Variants in BCAS3 observed in about 807,000 individuals in gnomAD.
BCAS3 encodes BCAS3 microtubule associated cell migration factor, also known as BCAS4/BCAS3 fusion.
BCAS3 carries 53 observed loss-of-function variants against 116.1 expected under a neutral mutation model. The observed-to-expected ratio is 0.46, with a 90% confidence interval of 0.37 to 0.57. The LOEUF is 0.57. Ranked by LOEUF, BCAS3 falls within the 20% of genes least tolerant of loss-of-function variation. The pLI, the probability that BCAS3 is intolerant of heterozygous loss-of-function variation, is 0.00. For missense variants in BCAS3, 917 were observed against 1,165.4 expected, an observed-to-expected ratio of 0.79 and a Z score of 3.10; for synonymous variants, 391 against 408.2, an observed-to-expected ratio of 0.96 and a Z score of 0.51.
chr17:60,806,709 T>A (rs2048318705), intron 6 of BCAS3, among the ~76,000 whole-genome samples: 1 of 152,050 alleles, frequency 6.6e-6, no homozygotes, highest in African/African-American at 2.4e-5. Flanking sequence ...TGTGCCACCA[T>A]ACCCAACTAA....
chr17:61,040,279 G>C (rs1458464777), intron 18 of BCAS3, among the ~76,000 whole-genome samples: 1 of 152,142 alleles, frequency 6.6e-6, no homozygotes, highest in African/African-American at 2.4e-5. Flanking sequence ...TTAGGAGTGG[G>C]CAGATCTAAT....
At chr17:60,859,472 C>A (rs1026897894) in intron 7 of BCAS3, among the ~76,000 whole-genome samples, 1 of 152,000 alleles carries the variant, frequency 6.6e-6, no homozygotes, top group Non-Finnish European at 1.5e-5. Flanking sequence ...TGCATTAATT[C>A]GCTTAGGATA....
chr17:61,245,760 C>T (rs2047888839), intron 22 of BCAS3, among the ~76,000 whole-genome samples: 1 of 152,074 alleles, frequency 6.6e-6, no homozygotes, highest in Admixed American at 6.6e-5. Flanking sequence ...AAGGGAGCAC[C>T]TACATTTAGT....
chr17:61,150,251 C>T (rs73991495), intron 22 of BCAS3, among the ~76,000 whole-genome samples: 12,892 of 152,146 alleles, frequency 0.085, 1,875 homozygotes, highest in African/African-American at 0.29. Context: ...ACTGCAATTA[C>T]TGGAGCTCTC....
At chr17:60,912,956 G>A (rs976207568) in intron 12 of BCAS3, among the ~76,000 whole-genome samples, 6 of 151,926 alleles carry the variant, frequency 3.9e-5, no homozygotes, top group African/African-American at 7.2e-5. Context: ...TGTAATTCAC[G>A]TATTTATTTT....
In BCAS3 at chr17:60,961,365, T is replaced by C. The variant is rs2145307505; in HGVS notation, c.1221+14013T>C. On this transcript the variant is annotated intron_variant, in intron 14 of 23. Transcript: ENST00000407086. The surrounding 1 kb of genome is among the most constrained non-coding windows in gnomAD (Gnocchi z 4.8). ...GCTGGCTAGGCTAGTCTGAAATCAG[T>C]AGGGCTGGCCAGAAGGAATGTCCAG... Among the ~76,000 whole-genome samples, 1 of 152,206 alleles carries C rather than the reference T, an allele frequency of 6.6e-6. No homozygotes were observed. Among genetic ancestry groups the C allele is most frequent in the Non-Finnish European group, 1.5e-5 (1 of 68,004 alleles).
At chr17:60,839,738 A>G (rs997598846) in intron 7 of BCAS3, among the ~76,000 whole-genome samples, 9 of 152,212 alleles carry the variant, frequency 5.9e-5, no homozygotes, top group African/African-American at 2.2e-4. Flanking sequence ...TAGATTCAGT[A>G]ACACATGTTG....
chr17:60,836,503 C>T (rs778980744), intron 7 of BCAS3, among the ~76,000 whole-genome samples: 5 of 151,704 alleles, frequency 3.3e-5, no homozygotes, highest in South Asian at 2.1e-4. Context: ...CTGTTGTTTG[C>T]GTTCCTTCTT....
intron 22 of BCAS3, among the ~76,000 whole-genome samples, chr17:61,246,796 T>A (rs1039658505): frequency 8.3e-4 from 94 of 113,482 alleles, no homozygotes; most frequent in South Asian, 2.1e-3. Context: ...AGTGAGAGTG[T>A]GTGTGTGTGT....
In BCAS3 at chr17:60,956,673, A is replaced by G. The variant is rs930393893; in HGVS notation, c.1221+9321A>G. On this transcript the variant is annotated intron_variant, in intron 14 of 23. Transcript: ENST00000407086. This position sits in a 1 kb window ranked among gnomAD's most constrained non-coding sequence, Gnocchi z 4.2. Reference sequence around the variant, plus strand: ...GTTTGCTAATGCCAGTGATGTTCCTACTTAACAGGTAGGAAAGTCAAATAG... The same window carrying G: ...GTTTGCTAATGCCAGTGATGTTCCTGCTTAACAGGTAGGAAAGTCAAATAG... 6.6e-6 allele frequency among the ~76,000 whole-genome samples: 1 copy of G among 152,172 alleles called. No homozygotes were observed. The highest frequency in any genetic ancestry group is 1.5e-5 in the Non-Finnish European group (1 of 68,018).
intron 19 of BCAS3, among the ~76,000 whole-genome samples, chr17:61,053,557 TC>T (rs921026705): frequency 5.9e-5 from 9 of 152,234 alleles, no homozygotes; most frequent in Non-Finnish European, 8.8e-5. Flanking sequence ...TATGAGCTGC[TC>T]CCTTTCAAAT....
At chr17:61,108,759 C>T (rs1477062644) in intron 22 of BCAS3, among the ~76,000 whole-genome samples, 2 of 151,934 alleles carry the variant, frequency 1.3e-5, no homozygotes, top group African/African-American at 4.8e-5. Flanking sequence ...TCCTTTGCCA[C>T]CCCTCACTCT....
intron 7 of BCAS3, among the ~76,000 whole-genome samples, chr17:60,824,147 A>G (rs1478911876): frequency 6.6e-6 from 1 of 152,192 alleles, no homozygotes; most frequent in African/African-American, 2.4e-5. Context: ...TTTCCCGTTA[A>G]AAGTAATGGA....
At chr17:60,689,963 T>G (rs1019846246) in intron 4 of BCAS3, among the ~76,000 whole-genome samples, 1 of 152,148 alleles carries the variant, frequency 6.6e-6, no homozygotes, top group Non-Finnish European at 1.5e-5. Flanking sequence ...TATAACACAG[T>G]GTGTAAGTGT....
chr17:61,359,517 C>T (rs1432095156), intron 22 of BCAS3, among the ~76,000 whole-genome samples: 1 of 140,482 alleles, frequency 7.1e-6, no homozygotes, highest in Non-Finnish European at 1.5e-5. Context: ...TTTTTTGAGA[C>T]GGACTCTCTC....
At position 61,243,807 on chromosome 17, in the gene BCAS3, G is replaced by A. The variant is rs992717526; in HGVS notation, c.2426-124520G>A. 6.6e-6 allele frequency among the ~76,000 whole-genome samples: 1 copy of A among 152,166 alleles called. No homozygotes were observed. The highest frequency in any genetic ancestry group is 1.5e-5 in the Non-Finnish European group (1 of 68,018). On this transcript the variant is annotated intron_variant, in intron 22 of 23. Transcript: ENST00000407086. The surrounding 1 kb of genome is among the most constrained non-coding windows in gnomAD (Gnocchi z 5.6). ...GAGTGTTTTGGTTCTTTCCTAAAGA[G>A]TTGGAATCTGCTCTGTCAACCAGGC...
intron 22 of BCAS3, among the ~76,000 whole-genome samples, chr17:61,177,576 G>A (rs1429605687): frequency 6.6e-6 from 1 of 152,088 alleles, no homozygotes; most frequent in African/African-American, 2.4e-5. Flanking sequence ...ATTACAAAGG[G>A]GCATGATTTA....
intron 22 of BCAS3, among the ~76,000 whole-genome samples, chr17:61,155,581 T>C (rs1397631579): frequency 6.6e-6 from 1 of 152,106 alleles, no homozygotes; most frequent in Non-Finnish European, 1.5e-5. Context: ...ACCTCTCTAT[T>C]TGTCAATAAA....
chr17:60,788,145 C>T (rs181991978), intron 6 of BCAS3, among the ~76,000 whole-genome samples: 73 of 152,202 alleles, frequency 4.8e-4, no homozygotes, highest in Non-Finnish European at 5.7e-4. Flanking sequence ...TAAATGCAGA[C>T]GCCTTTATCA....
Sources: allele counts gnomAD v4.1 joint callset (sites outside exome capture counted in the v4.1 genomes callset), GRCh38; gene constraint gnomAD v4.1.1; non-coding constraint Gnocchi (gnomAD v3.1); transcripts MANE v1.5; gene names NCBI Gene and HGNC (gene_info 2026-07-23, HGNC 2026-07-21).